Variants in SORCS3 observed in about 807,000 individuals in gnomAD.
SORCS3 encodes sortilin related VPS10 domain containing receptor 3.
Under a neutral mutation model 146.3 loss-of-function variants are expected in SORCS3, and 57 were observed. That is an observed-to-expected ratio of 0.39 (90% CI 0.31 to 0.49). The LOEUF is 0.49. Among genes scored for constraint, SORCS3 ranks in the 20% least tolerant of loss-of-function variants. The probability of loss-of-function intolerance (pLI) is 0.92; values close to 1 mark genes in which losing one functional copy is unlikely to be tolerated. For missense variants in SORCS3, 1,341 were observed against 1,575.5 expected (o/e 0.85, Z 2.52); for synonymous variants, 653 against 618.5 (o/e 1.06, Z -0.83).
In SORCS3 at chr10:104,706,201, C is replaced by CTTTT. The variant is rs1162969172; in HGVS notation, c.627+64269_627+64272dup. Among the ~76,000 whole-genome samples, 550 of 85,850 alleles carry CTTTT rather than the reference C, an allele frequency of 6.4e-3. 15 individuals carry two copies. Among genetic ancestry groups the CTTTT allele is most frequent in the Middle Eastern group, 9.6e-3 (1 of 104 alleles). The allele number at this position is 85,850 out of a possible 152,430, so 56.3% of individuals were successfully genotyped here. A position where few individuals can be genotyped will look rare whatever the true frequency, so the allele number is the denominator to read the frequency against. On this transcript the variant is annotated intron_variant, in intron 1 of 26. Coordinates refer to ENST00000369701, the MANE Select transcript of SORCS3 (RefSeq NM_014978.3). ...TTGTTTGTTTGTTTCTTTTCTTCTT[C>CTTTT]TTTTTTTTTTTTTTTTTTTTTTTTT...
chr10:105,054,957 T>A (rs1276875716), intron 5 of SORCS3, among the ~76,000 whole-genome samples: 1 of 152,212 alleles, frequency 6.6e-6, no homozygotes. Context: ...TTTTAAAATA[T>A]CTTCCTCCCC....
At chr10:105,158,667 G>T (rs1275949746) in intron 10 of SORCS3, among the ~76,000 whole-genome samples, 1 of 152,000 alleles carries the variant, frequency 6.6e-6, no homozygotes, top group Non-Finnish European at 1.5e-5. Flanking sequence ...ATTGTGGTTG[G>T]GGGGCAGAGG....
At chr10:105,241,793 C>T (rs2056825110) in intron 20 of SORCS3, among the ~76,000 whole-genome samples, 1 of 152,062 alleles carries the variant, frequency 6.6e-6, no homozygotes. Context: ...TCTTTATAGG[C>T]ACAGGATGGG....
intron 3 of SORCS3, among the ~76,000 whole-genome samples, chr10:104,951,861 A>T (rs144561875): frequency 1.3e-5 from 2 of 152,314 alleles, no homozygotes; most frequent in Non-Finnish European, 2.9e-5. Flanking sequence ...AAGGGAGTTC[A>T]ATAGTGTCCA....
intron 4 of SORCS3, among the ~76,000 whole-genome samples, chr10:105,007,863 C>A (rs2055107022): frequency 6.6e-6 from 1 of 152,138 alleles, no homozygotes; most frequent in Non-Finnish European, 1.5e-5. Flanking sequence ...AATTTGAAAT[C>A]AGGACATAAG....
intron 1 of SORCS3, among the ~76,000 whole-genome samples, chr10:104,719,118 A>G (rs1352135032): frequency 6.6e-6 from 1 of 152,194 alleles, no homozygotes; most frequent in African/African-American, 2.4e-5. Flanking sequence ...CATACTAAGT[A>G]TTTGAAATCT....
rs751707525 is a variant in SORCS3 at position 104,951,490 on chromosome 10, G to A, written c.796-25845G>A. The stretch of plus-strand genomic sequence containing the variant: ...CTACAGGCACATGCCACCATGCCCA[G>A]TGAATTTTTATTTTTTTTGTTTTTG... On this transcript the variant is annotated intron_variant, in intron 3 of 26. Transcript: ENST00000369701. Among the ~76,000 whole-genome samples the A allele has an allele frequency of 1.1e-4, 16 of 152,032 alleles. 1 individual carries two copies. The highest frequency in any genetic ancestry group is 2.6e-4 in the Admixed American group (4 of 15,256).
chr10:104,740,587 C>T (rs2016829768), intron 1 of SORCS3, among the ~76,000 whole-genome samples: 1 of 152,194 alleles, frequency 6.6e-6, no homozygotes, highest in Non-Finnish European at 1.5e-5. Context: ...ATGGCATGAA[C>T]TCCTTGTTTG....
chr10:105,223,503 A>G (rs759297350), intron 20 of SORCS3, among the ~76,000 whole-genome samples: 2 of 152,210 alleles, frequency 1.3e-5, no homozygotes, highest in Non-Finnish European at 2.9e-5. Flanking sequence ...TTGCTTCTCT[A>G]ATCAATATTT....
At chr10:104,693,341 C>T in intron 1 of SORCS3, among the ~76,000 whole-genome samples, 1 of 152,142 alleles carries the variant, frequency 6.6e-6, no homozygotes, top group Non-Finnish European at 1.5e-5. Context: ...GCAAGCCACA[C>T]CATGGGAGCT....
chr10:105,255,824 G>C, intron 24 of SORCS3, 23 bp downstream of exon 24: 1 of 1,539,460 alleles, frequency 6.5e-7, no homozygotes, highest in Non-Finnish European at 9.0e-7. Flanking sequence ...GGGAACTGGG[G>C]AAATGGGAAA....
At position 105,174,539 on chromosome 10, in the gene SORCS3, G is replaced by C. The variant is rs17118709; in HGVS notation, c.1902-3527G>C. On this transcript the variant is annotated intron_variant, in intron 13 of 26. Coordinates refer to ENST00000369701, the MANE Select transcript of SORCS3 (RefSeq NM_014978.3). ...GTTTTCTAATGTTATTTTTTTTGGAGTTTCTTTAGGGAGTTTTATTCTTCA... is the reference window on the plus strand; with the variant it reads ...GTTTTCTAATGTTATTTTTTTTGGACTTTCTTTAGGGAGTTTTATTCTTCA... Among the ~76,000 whole-genome samples the C allele has an allele frequency of 3.2e-3, 486 of 152,128 alleles. 18 individuals are homozygous for C. The East Asian group carries it at 0.086, about 27-fold the overall frequency.
At chr10:104,673,705 G>C (rs2015883080) in intron 1 of SORCS3, among the ~76,000 whole-genome samples, 1 of 152,028 alleles carries the variant, frequency 6.6e-6, no homozygotes, top group South Asian at 2.1e-4. Flanking sequence ...TCCTGCCTTG[G>C]CCTCCTATAG....
intron 1 of SORCS3, among the ~76,000 whole-genome samples, chr10:104,804,653 C>T (rs1172915488): frequency 3.9e-5 from 6 of 152,112 alleles, no homozygotes; most frequent in Admixed American, 2.0e-4. Flanking sequence ...TGAGCTGCAT[C>T]GTGGAAGTAG....
intron 2 of SORCS3, among the ~76,000 whole-genome samples, chr10:104,856,941 T>G (rs1397722669): frequency 1.3e-5 from 2 of 149,516 alleles, no homozygotes; most frequent in Admixed American, 6.8e-5. Context: ...TATATGATAT[T>G]CTGTAAGAAA....
At chr10:104,899,940 C>G (rs572067370) in intron 2 of SORCS3, among the ~76,000 whole-genome samples, 1 of 152,144 alleles carries the variant, frequency 6.6e-6, no homozygotes, top group East Asian at 1.9e-4. Flanking sequence ...GCACAAAAGC[C>G]CAGCCCTCTT....
chr10:105,078,357 T>A (rs2055602007), intron 5 of SORCS3, among the ~76,000 whole-genome samples: 1 of 152,090 alleles, frequency 6.6e-6, no homozygotes, highest in Non-Finnish European at 1.5e-5. Flanking sequence ...AGCCTGTCTT[T>A]AAGAAGAATG....
intron 2 of SORCS3, among the ~76,000 whole-genome samples, chr10:104,882,271 A>G (rs2018639333): frequency 6.6e-6 from 1 of 152,214 alleles, no homozygotes; most frequent in Admixed American, 6.5e-5. Flanking sequence ...GATTTATTGC[A>G]AAGGAGGTTC....
chr10:105,065,212 T>C (rs896594025), intron 5 of SORCS3, among the ~76,000 whole-genome samples: 13 of 152,070 alleles, frequency 8.5e-5, no homozygotes, highest in African/African-American at 3.1e-4. Flanking sequence ...CCTTGTGCAC[T>C]TCAGCTTCCT....
Sources: allele counts gnomAD v4.1 joint callset (sites outside exome capture counted in the v4.1 genomes callset), GRCh38; gene constraint gnomAD v4.1.1; transcripts MANE v1.5; gene names NCBI Gene and HGNC (gene_info 2026-07-23, HGNC 2026-07-21).